Variants in CEP126 observed in about 807,000 individuals in gnomAD.
CEP126 encodes the protein centrosomal protein 126, also known as centrosomal protein of 126 kDa.
CEP126 carries 74 observed loss-of-function variants against 107.8 expected under a neutral mutation model. The observed-to-expected ratio is 0.69, with a 90% CI of 0.57 to 0.83. The LOEUF (loss-of-function observed/expected upper bound fraction) is 0.83. Ranked by LOEUF, CEP126 falls within the 40% of genes least tolerant of loss-of-function variation. The pLI is 0.00. For missense variants in CEP126, 1,237 were observed against 1,281.9 expected, an observed-to-expected ratio of 0.96 and a Z score of 0.53; for synonymous variants, 449 against 446.0, an observed-to-expected ratio of 1.01 and a Z score of -0.08.
At chr11:101,945,126 T>C (rs541412645) in intron 3 of CEP126, among the ~76,000 whole-genome samples, 10 of 152,276 alleles carry the variant, frequency 6.6e-5, no homozygotes, top group Admixed American at 6.5e-4. Flanking sequence ...AACATAATGA[T>C]AATTGCTATG....
chr11:101,968,943 A>C (rs1039937228), intron 6 of CEP126, among the ~76,000 whole-genome samples: 1 of 152,206 alleles, frequency 6.6e-6, no homozygotes, highest in Admixed American at 6.5e-5. Context: ...TTTAGTGGAC[A>C]TGTTTTAGGA....
intron 2 of CEP126, among the ~76,000 whole-genome samples, chr11:101,934,296 A>G (rs1286044551): frequency 6.6e-6 from 1 of 151,892 alleles, no homozygotes; most frequent in Non-Finnish European, 1.5e-5. Flanking sequence ...CATTCATCCA[A>G]CCTAATGGTC....
At chr11:101,966,640 G>A (rs1055099752) in intron 6 of CEP126, among the ~76,000 whole-genome samples, 12 of 152,078 alleles carry the variant, frequency 7.9e-5, no homozygotes, top group African/African-American at 2.9e-4. Context: ...GCTTTTATAT[G>A]GATGAGCAAA....
intron 7 of CEP126, among the ~76,000 whole-genome samples, chr11:101,979,606 A>G (rs972902207): frequency 6.6e-6 from 1 of 152,068 alleles, no homozygotes; most frequent in African/African-American, 2.4e-5. Context: ...TAAAAAAGCC[A>G]GGCACTGGAG....
chr11:101,916,331 T>C (rs1940211963), intron 1 of CEP126: 1 of 152,280 alleles, frequency 6.6e-6, no homozygotes, highest in African/African-American at 2.4e-5. Flanking sequence ...GCCTGCTCTT[T>C]GGCTGACTCT....
At chr11:101,995,720 T>G (rs1375657448) in intron 10 of CEP126, among the ~76,000 whole-genome samples, 2 of 152,214 alleles carry the variant, frequency 1.3e-5, no homozygotes, top group Non-Finnish European at 2.9e-5. Context: ...GTCACCAATC[T>G]ATCAATAAAA....
chr11:101,995,896 G>T (rs964817166), intron 10 of CEP126, among the ~76,000 whole-genome samples: 10 of 152,168 alleles, frequency 6.6e-5, no homozygotes, highest in African/African-American at 2.4e-4. Flanking sequence ...CTATGTGCCA[G>T]AAACTTTGCT....
At position 102,000,917 on chromosome 11, in the gene CEP126, A is replaced by G. The variant is rs1941501238; in HGVS notation, c.*3274A>G. ...ATGTCTGTGTTTCTTAGGAATGTTG[A>G]AGCTTTTTGTGAAAACTGTACTGTA... is the stretch of plus-strand genomic sequence containing the variant. On this transcript the variant is annotated 3_prime_UTR_variant, in exon 11 of 11. Transcript: ENST00000263468. 1 of 152,228 alleles carries G rather than the reference A, an allele frequency of 6.6e-6. No individual in the cohort carries two copies. Among genetic ancestry groups the G allele is most frequent in the Non-Finnish European group, 1.5e-5 (1 of 68,034 alleles). 9.4% of individuals were successfully genotyped at this position (152,228 alleles called of 1,614,324 possible). A position where few individuals can be genotyped will look rare whatever the true frequency, so the allele number is the denominator to read the frequency against.
At chr11:101,919,211 T>G (rs547053938) in intron 1 of CEP126, among the ~76,000 whole-genome samples, 35 of 152,240 alleles carry the variant, frequency 2.3e-4, no homozygotes, top group Admixed American at 1.7e-3. Context: ...TTAGAGTACC[T>G]GAGTTAAGGG....
chr11:101,954,167 A>T (rs1051285685), intron 4 of CEP126, among the ~76,000 whole-genome samples: 2 of 152,070 alleles, frequency 1.3e-5, no homozygotes, highest in Non-Finnish European at 2.9e-5. Context: ...AGCTGGGATT[A>T]CAGGAACGTA....
rs549940855 is a variant in CEP126, at chr11:101,959,701, T to C, written c.705+1335T>C. On this transcript the variant is annotated intron_variant, in intron 5 of 10. Coordinates refer to ENST00000263468, the MANE Select transcript of CEP126 (RefSeq NM_020802.4). Reference sequence around the variant, plus strand: ...TAAAAATGTACATAAGAAAGACAATTGAAAAAAGAAATAAACAGACCTTCT... The same window carrying C: ...TAAAAATGTACATAAGAAAGACAATCGAAAAAAGAAATAAACAGACCTTCT... Among the ~76,000 whole-genome samples the C allele has an allele frequency of 2.2e-3, 342 of 152,176 alleles. 2 individuals are homozygous for C. Among genetic ancestry groups the C allele is most frequent in the Non-Finnish European group, 3.6e-3 (248 of 67,986 alleles).
Position 101,958,346 on chromosome 11 carries a change from C to A in CEP126, c.685C>A (p.Gln229Lys), listed in dbSNP as rs1351688266. ...LEETQKLLEDQHLSNLQKFCD... is the reference protein window; with the variant it reads ...LEETQKLLEDKHLSNLQKFCD... ...GGAAACTCAGAAACTCCTCGAAGATCAACATCTAAGCAATTTGCAAGTATG... is the reference window on the plus strand; with the variant it reads ...GGAAACTCAGAAACTCCTCGAAGATAAACATCTAAGCAATTTGCAAGTATG... The change falls in exon 5 of 11, where the codon CAA becomes AAA. Residue 229 changes from glutamine (Q) to lysine (K), a missense_variant. Physicochemically the swap from Gln to Lys is moderately conservative, Grantham distance 53 (BLOSUM62 1). Transcript: ENST00000263468. 6.2e-7 allele frequency: 1 copy of A among 1,613,668 alleles called. No individual in the cohort carries two copies. The highest frequency in any genetic ancestry group is 2.2e-5 in the East Asian group (1 of 44,836).
Position 101,938,159 on chromosome 11 carries a change from C to CAAAAAAA in CEP126, c.249-6095_249-6089dup, listed in dbSNP as rs1491167740. On this transcript the variant is annotated intron_variant, in intron 2 of 10. Transcript: ENST00000263468. ...TGGGCGACAGAGCGAGACTCTGTCT[C>CAAAAAAA]AAAAAAAAAAAAAAAAATACAAGAA... is the stretch of plus-strand genomic sequence containing the variant. Among the ~76,000 whole-genome samples the CAAAAAAA allele has an allele frequency of 4.9e-3, 191 of 39,244 alleles. 19 individuals are homozygous for CAAAAAAA. The highest frequency in any genetic ancestry group is 5.9e-3 in the African/African-American group (64 of 10,818). 25.7% of individuals were successfully genotyped at this position (39,244 alleles called of 152,430 possible). A position where few individuals can be genotyped will look rare whatever the true frequency, so the allele number is the denominator to read the frequency against.
intron 1 of CEP126, 73 bp from the exon 2 acceptor site, chr11:101,922,568 T>C (rs755759883): frequency 1.1e-4 from 130 of 1,159,042 alleles, no homozygotes; most frequent in Middle Eastern, 6.0e-4. Flanking sequence ...GCTGTAGTTA[T>C]ATTTATCATA....
chr11:101,956,395 C>T (rs1359178044), intron 4 of CEP126: 1 of 456,340 alleles, frequency 2.2e-6, no homozygotes, highest in Admixed American at 2.3e-5. Context: ...ATCCTGCTAG[C>T]TTGGATCCTT....
chr11:101,984,323 A>G (rs1053968506), intron 8 of CEP126, among the ~76,000 whole-genome samples: 5 of 152,238 alleles, frequency 3.3e-5, no homozygotes, highest in African/African-American at 4.8e-5. Flanking sequence ...AACTATGTTC[A>G]GTGATGATGA....
chr11:101,923,492 A>C (rs971020133), intron 2 of CEP126, among the ~76,000 whole-genome samples: 1 of 152,174 alleles, frequency 6.6e-6, no homozygotes, highest in African/African-American at 2.4e-5. Context: ...ATAGCAGAAA[A>C]TCCCTAGACT....
intron 4 of CEP126, among the ~76,000 whole-genome samples, chr11:101,950,026 T>C (rs1180221534): frequency 1.3e-5 from 2 of 152,106 alleles, no homozygotes; most frequent in Non-Finnish European, 2.9e-5. Context: ...AACTCAGCCA[T>C]AAATCAAAGA....
At chr11:101,933,395 C>T (rs1278813706) in intron 2 of CEP126, among the ~76,000 whole-genome samples, 1 of 152,096 alleles carries the variant, frequency 6.6e-6, no homozygotes, top group Admixed American at 6.6e-5. Context: ...AGTGTATACT[C>T]GTTTAAAACC....
Sources: gnomAD v4.1 joint callset for allele counts (sites outside exome capture counted in the v4.1 genomes callset) on GRCh38, gnomAD v4.1.1 for gene constraint, MANE v1.5 for transcripts, NCBI Gene and HGNC (gene_info 2026-07-23, HGNC 2026-07-21) for gene names.